ROBO1: variants seen among roughly 807,000 people sequenced by gnomAD.
ROBO1 encodes roundabout guidance receptor 1, also known as roundabout homolog 1.
Under a neutral mutation model 195.9 loss-of-function variants are expected in ROBO1, and 149 were observed. The ratio of observed to expected loss-of-function variants is 0.76; its 90% CI spans 0.67 to 0.87. The LOEUF (loss-of-function observed/expected upper bound fraction) is 0.87. Ranked by LOEUF, ROBO1 falls within the 40% of genes least tolerant of loss-of-function variation. The pLI, the probability that ROBO1 is intolerant of heterozygous loss-of-function variation, is 0.00. For synonymous variants in ROBO1, 816 were observed against 733.2 expected, an observed-to-expected ratio of 1.11 and a Z score of -1.82; for missense variants, 1,933 against 2,068.3, an observed-to-expected ratio of 0.93 and a Z score of 1.27.
chr3:79,315,286 A>T lies in ROBO1; in HGVS notation c.89-189747T>A, dbSNP rs143794143. Among the ~76,000 whole-genome samples, 449 of 152,314 alleles carry T rather than the reference A, an allele frequency of 2.9e-3. 1 individual carries two copies. The highest frequency in any genetic ancestry group is 0.01 in the African/African-American group (429 of 41,566). ...GGGTGATCTCATCTTTATAAGAAAA[A>T]TAAATGCATAAAAAAGTTTTCATTA... On this transcript the variant is annotated intron_variant, in intron 2 of 30. Transcript: ENST00000464233.
intron 3 of ROBO1, among the ~76,000 whole-genome samples, chr3:79,064,104 A>T (rs189084982): frequency 6.6e-6 from 1 of 151,960 alleles, no homozygotes; most frequent in Admixed American, 6.6e-5. Flanking sequence ...GAATCATCAT[A>T]AAAAAATTAC....
intron 2 of ROBO1, among the ~76,000 whole-genome samples, chr3:79,452,254 C>T (rs2039467262): frequency 6.6e-6 from 1 of 151,990 alleles, no homozygotes; most frequent in African/African-American, 2.4e-5. Flanking sequence ...TAAATAAATA[C>T]AAAGTTTTTT....
intron 2 of ROBO1, among the ~76,000 whole-genome samples, chr3:79,317,761 AG>A (rs1422576808): frequency 1.3e-5 from 2 of 152,056 alleles, no homozygotes; most frequent in African/African-American, 2.4e-5. Flanking sequence ...GGGCCTACAA[AG>A]CACTCGTGTT....
chr3:78,900,947 A>T (rs1216029768), intron 4 of ROBO1, among the ~76,000 whole-genome samples: 1 of 152,102 alleles, frequency 6.6e-6, no homozygotes, highest in Non-Finnish European at 1.5e-5. Context: ...CAACACCTTT[A>T]TTCATCTCAT....
At chr3:78,801,977 A>G (rs890060837) in intron 4 of ROBO1, among the ~76,000 whole-genome samples, 2 of 152,120 alleles carry the variant, frequency 1.3e-5, no homozygotes, top group Non-Finnish European at 2.9e-5. Flanking sequence ...AATACATTTA[A>G]AAGAGATTTT....
intron 1 of ROBO1, among the ~76,000 whole-genome samples, chr3:79,751,179 T>G (rs950686555): frequency 1.3e-5 from 2 of 152,190 alleles, no homozygotes; most frequent in Middle Eastern, 3.2e-3. Flanking sequence ...TTTTGGAGAT[T>G]CTTTCTATAT....
At chr3:78,942,851 T>C (rs1315176350) in intron 3 of ROBO1, among the ~76,000 whole-genome samples, 1 of 152,052 alleles carries the variant, frequency 6.6e-6, no homozygotes, top group Non-Finnish European at 1.5e-5. Flanking sequence ...CAGTGTGCTA[T>C]GATCACACCT....
chr3:79,521,300 T>G (rs1941199899), intron 2 of ROBO1, among the ~76,000 whole-genome samples: 1 of 152,214 alleles, frequency 6.6e-6, no homozygotes, highest in African/African-American at 2.4e-5. Flanking sequence ...CAAGAAAATA[T>G]ATACACAACT....
intron 28 of ROBO1, among the ~76,000 whole-genome samples, chr3:78,613,307 C>A (rs186716630): frequency 6.6e-6 from 1 of 152,122 alleles, no homozygotes; most frequent in Non-Finnish European, 1.5e-5. Flanking sequence ...GTGAGAAGCA[C>A]TCTCTTCTAG....
rs541147754 is a variant in ROBO1, at chr3:78,625,979, C to A, written c.3875+1342G>T. 2.5e-3 allele frequency among the ~76,000 whole-genome samples: 383 copies of A among 151,982 alleles called. 3 individuals are homozygous for A. The Middle Eastern group carries it at 0.027, about 11-fold the overall frequency. The stretch of plus-strand genomic sequence containing the variant: ...GGAGAACTGAATGAAGAGGAAGAGG[C>A]TGGACATTCCAGACAGATAAAGGAA... On this transcript the variant is annotated intron_variant, in intron 26 of 30. Coordinates refer to ENST00000464233, the MANE Select transcript of ROBO1 (RefSeq NM_002941.4).
chr3:79,369,782 A>G (rs2036121829), intron 2 of ROBO1, among the ~76,000 whole-genome samples: 1 of 152,216 alleles, frequency 6.6e-6, no homozygotes, highest in African/African-American at 2.4e-5. Context: ...TGCAATAAGA[A>G]GAAAGTATGC....
At chr3:78,780,359 C>T (rs2083639045) in intron 4 of ROBO1, among the ~76,000 whole-genome samples, 1 of 152,048 alleles carries the variant, frequency 6.6e-6, no homozygotes, top group South Asian at 2.1e-4. Context: ...TTCAAAATAC[C>T]TTAGCCAATA....
intron 4 of ROBO1, among the ~76,000 whole-genome samples, chr3:78,824,664 G>A (rs528716508): frequency 1.3e-5 from 2 of 152,116 alleles, no homozygotes; most frequent in East Asian, 1.9e-4. Flanking sequence ...AAATAACTTT[G>A]GGCAAATTAT....
chr3:79,676,639 C>T (rs62257271), intron 1 of ROBO1, among the ~76,000 whole-genome samples: 42,479 of 151,976 alleles, frequency 0.28, 6,791 homozygotes, highest in African/African-American at 0.45. Flanking sequence ...ATGGCCTCTT[C>T]CTCCTCAAAT....
At chr3:79,440,097 TAG>T (rs1194806160) in intron 2 of ROBO1, among the ~76,000 whole-genome samples, 2 of 152,074 alleles carry the variant, frequency 1.3e-5, no homozygotes, top group East Asian at 3.9e-4. Context: ...TCTACACATC[TAG>T]AGTCTTCATT....
intron 5 of ROBO1, among the ~76,000 whole-genome samples, chr3:78,733,296 T>C (rs1262840104): frequency 6.6e-6 from 1 of 152,158 alleles, no homozygotes; most frequent in Non-Finnish European, 1.5e-5. Context: ...ACTAAAAGCC[T>C]TAAGAAAATT....
chr3:79,138,476 T>G (rs1344153119), intron 2 of ROBO1, among the ~76,000 whole-genome samples: 1 of 152,054 alleles, frequency 6.6e-6, no homozygotes, highest in African/African-American at 2.4e-5. Flanking sequence ...TCTAAAATAT[T>G]ATAGTCACCA....
intron 2 of ROBO1, among the ~76,000 whole-genome samples, chr3:79,575,668 C>T (rs564580847): frequency 1.1e-3 from 158 of 149,778 alleles, no homozygotes; most frequent in African/African-American, 3.5e-3. Context: ...ACCAAGATGC[C>T]TAAAGGAAAA....
At chr3:79,012,772 C>T (rs1345619586) in intron 3 of ROBO1, among the ~76,000 whole-genome samples, 1 of 152,032 alleles carries the variant, frequency 6.6e-6, no homozygotes, top group African/African-American at 2.4e-5. Context: ...TTAGAAATAG[C>T]CTTTTGGATG....
Sources: gnomAD v4.1 joint callset for allele counts (sites outside exome capture counted in the v4.1 genomes callset) on GRCh38, gnomAD v4.1.1 for gene constraint, MANE v1.5 for transcripts, NCBI Gene and HGNC (gene_info 2026-07-23, HGNC 2026-07-21) for gene names.